Variants in CFAP61 observed in about 807,000 individuals in gnomAD.
The protein encoded by CFAP61 is cilia and flagella associated protein 61.
CFAP61 carries 107 observed loss-of-function variants against 135.6 expected under a neutral mutation model. The observed-to-expected ratio is 0.79, with a 90% CI of 0.67 to 0.93. The LOEUF (loss-of-function observed/expected upper bound fraction) is 0.93. Among genes scored for constraint, CFAP61 ranks in the 40% least tolerant of loss-of-function variants. The pLI, the probability that CFAP61 is intolerant of heterozygous loss-of-function variation, is 0.00. For missense variants in CFAP61, 1,507 were observed against 1,556.2 expected (o/e 0.97, Z 0.53); for synonymous variants, 575 against 578.5 (o/e 0.99, Z 0.09).
At chr20:20,119,043 G>A (rs751971711) in intron 8 of CFAP61, among the ~76,000 whole-genome samples, 1 of 151,912 alleles carries the variant, frequency 6.6e-6, no homozygotes, top group African/African-American at 2.4e-5. Flanking sequence ...TGAAATTTTT[G>A]TGTCTATGTT....
rs1300114881 is a variant in CFAP61, at chr20:20,142,898, G to C, written c.901G>C (p.Val301Leu). The C allele has an allele frequency of 6.2e-7, 1 of 1,605,214 alleles. No individual in the cohort carries two copies. Among genetic ancestry groups the C allele is most frequent in the East Asian group, 2.2e-5 (1 of 44,714 alleles). Residue 301 changes from valine to leucine, a missense_variant, in exon 9 of 27, where the codon GTC becomes CTC. Coordinates refer to ENST00000245957, the MANE Select transcript of CFAP61 (RefSeq NM_015585.4). ...RSSSQGSQKIVEELQEPVSPD... is the reference protein window; with the variant it reads ...RSSSQGSQKILEELQEPVSPD... The stretch of plus-strand genomic sequence containing the variant: ...TAGCAGCCAAGGTTCCCAAAAAATA[G>C]TCGAGGAGTTGCAGGAACCTGTCTC...
chr20:20,209,585 A>G (rs930169583), intron 17 of CFAP61, among the ~76,000 whole-genome samples: 2 of 152,080 alleles, frequency 1.3e-5, no homozygotes, highest in African/African-American at 4.8e-5. Flanking sequence ...TACATCTTTT[A>G]TTTTCCTATT....
At chr20:20,224,656 T>A (rs768785261) in intron 17 of CFAP61, among the ~76,000 whole-genome samples, 32 of 152,112 alleles carry the variant, frequency 2.1e-4, no homozygotes, top group Non-Finnish European at 4.6e-4. Context: ...GCCATTGCAC[T>A]CCAGCCTGGG....
chr20:20,075,141 G>A (rs749471321), intron 4 of CFAP61, 48 bp from the exon 5 acceptor site: 1 of 1,556,150 alleles, frequency 6.4e-7, no homozygotes, highest in African/African-American at 1.4e-5. Context: ...GCCAGCTGAT[G>A]GGATTGCTTT....
chr20:20,100,247 A>G (rs1320675128), intron 8 of CFAP61, among the ~76,000 whole-genome samples: 2 of 150,390 alleles, frequency 1.3e-5, no homozygotes, highest in Non-Finnish European at 3.0e-5. Flanking sequence ...ATCTTGGCTC[A>G]CTGCAACCTC....
chr20:20,231,422 G>C (rs988881830), intron 18 of CFAP61, among the ~76,000 whole-genome samples: 7 of 152,080 alleles, frequency 4.6e-5, no homozygotes, highest in African/African-American at 1.7e-4. Flanking sequence ...TTCCCCTGCT[G>C]TCCTCCGTGC....
Position 20,341,892 on chromosome 20 carries a change from G to C in CFAP61, c.3484G>C (p.Glu1162Gln), listed in dbSNP as rs545105805. The C allele has an allele frequency of 6.2e-7, 1 of 1,613,466 alleles. No homozygotes were observed. The highest frequency in any genetic ancestry group is 1.3e-5 in the African/African-American group (1 of 75,024). ...CGATCGTTTTATTGATCTCAGGAAA[G>C]AGTTACGCCAAATCTTAGCCTCCAA... is the stretch of plus-strand genomic sequence containing the variant. Reference protein sequence around the residue: ...FHDRFIDLRKELRQILASKEE... With the variant: ...FHDRFIDLRKQLRQILASKEE... The change falls in exon 26 of 27, where the codon GAG becomes CAG. Residue 1162 changes from glutamate (E) to glutamine (Q), a missense_variant. Transcript: ENST00000245957.
chr20:20,160,765 G>A (rs903422644), intron 10 of CFAP61, among the ~76,000 whole-genome samples: 7 of 152,210 alleles, frequency 4.6e-5, no homozygotes, highest in African/African-American at 1.7e-4. Flanking sequence ...TGAGCACTCT[G>A]TGAAGACAAG....
intron 8 of CFAP61, among the ~76,000 whole-genome samples, chr20:20,122,912 C>T (rs542422090): frequency 6.6e-6 from 1 of 151,746 alleles, no homozygotes; most frequent in Non-Finnish European, 1.5e-5. Flanking sequence ...ATCACCACAT[C>T]CACGCCAACA....
chr20:20,252,821 C>A (rs1418544157), intron 20 of CFAP61, among the ~76,000 whole-genome samples: 1 of 152,254 alleles, frequency 6.6e-6, no homozygotes, highest in African/African-American at 2.4e-5. Context: ...CAGCTCTAAG[C>A]ATCACTTACC....
chr20:20,203,168 A>G (rs1048691916), intron 17 of CFAP61, among the ~76,000 whole-genome samples: 4 of 152,212 alleles, frequency 2.6e-5, no homozygotes, highest in African/African-American at 9.6e-5. Context: ...ACCCCGCAGC[A>G]GGTCATAAAA....
At chr20:20,294,844 C>T (rs1448182377) in intron 24 of CFAP61, among the ~76,000 whole-genome samples, 5 of 150,910 alleles carry the variant, frequency 3.3e-5, no homozygotes, top group Non-Finnish European at 7.4e-5. Flanking sequence ...AGGAGAATGG[C>T]GTGAACCCGG....
At chr20:20,355,043 G>GGTGGTCACACTGTGAGAGGGAAA (rs1569329850) in intron 26 of CFAP61, among the ~76,000 whole-genome samples, 3 of 145,072 alleles carry the variant, frequency 2.1e-5, no homozygotes, top group Non-Finnish European at 4.5e-5. Flanking sequence ...ACTGAGGGGA[G>GGTGGTCACACTGTGAGAGGGAAA]GTGGTCACAC....
chr20:20,249,002 T>C (rs900395299), intron 19 of CFAP61, among the ~76,000 whole-genome samples: 8 of 152,370 alleles, frequency 5.3e-5, no homozygotes, highest in Admixed American at 1.3e-4. Flanking sequence ...GAAGTTTCAC[T>C]GATGTGCCTC....
intron 8 of CFAP61, among the ~76,000 whole-genome samples, chr20:20,141,358 G>C (rs916677530): frequency 5.3e-5 from 8 of 152,216 alleles, no homozygotes; most frequent in Non-Finnish European, 1.0e-4. Flanking sequence ...CTCTTGTCAT[G>C]ATGAGAGTGC....
chr20:20,227,060 A>G (rs533324613), intron 17 of CFAP61, among the ~76,000 whole-genome samples: 22 of 152,368 alleles, frequency 1.4e-4, no homozygotes, highest in Admixed American at 7.2e-4. Context: ...GAGACAGAGA[A>G]ATGGGATTTA....
At chr20:20,337,300 GGATGGATGGATGGATGGA>G in intron 25 of CFAP61, among the ~76,000 whole-genome samples, 1 of 106,322 alleles carries the variant, frequency 9.4e-6, no homozygotes, top group Non-Finnish European at 2.0e-5. Flanking sequence ...ATAGATGGAT[GGATGGATGGATGGATGGA>G]TGGATGGATG....
intron 20 of CFAP61, among the ~76,000 whole-genome samples, chr20:20,255,927 T>C (rs1272150607): frequency 1.3e-5 from 2 of 152,182 alleles, no homozygotes; most frequent in Non-Finnish European, 2.9e-5. Flanking sequence ...ACAGAGGCCA[T>C]ACAGTGCCTC....
At chr20:20,303,848 A>G (rs1437203619) in intron 25 of CFAP61, among the ~76,000 whole-genome samples, 1 of 152,204 alleles carries the variant, frequency 6.6e-6, no homozygotes, top group Admixed American at 6.5e-5. Context: ...TCTGCAAGTC[A>G]GGCATGACTT....
Sources: gnomAD v4.1 joint callset for allele counts (sites outside exome capture counted in the v4.1 genomes callset) on GRCh38, gnomAD v4.1.1 for gene constraint, MANE v1.5 for transcripts, NCBI Gene and HGNC (gene_info 2026-07-23, HGNC 2026-07-21) for gene names.